The following HPSE2 variants were observed in gnomAD, a reference collection of about 807,000 sequenced individuals.
HPSE2 encodes the protein inactive heparanase-2.
Under a neutral mutation model 60.5 loss-of-function variants are expected in HPSE2, and 38 were observed. That is an observed-to-expected ratio of 0.63 (90% CI 0.48 to 0.82). The LOEUF is 0.82. HPSE2 is among the 40% of genes least tolerant of loss of function. HPSE2 has a pLI of 0.00. For synonymous variants in HPSE2, 295 were observed against 293.2 expected, an observed-to-expected ratio of 1.01 and a Z score of -0.06; for missense variants, 713 against 740.4, an observed-to-expected ratio of 0.96 and a Z score of 0.43.
chr10:98,907,474 T>TA (rs926205699), intron 3 of HPSE2, among the ~76,000 whole-genome samples: 8 of 152,148 alleles, frequency 5.3e-5, no homozygotes, highest in East Asian at 3.9e-4. Context: ...GCTCTCTAAT[T>TA]AAAAAAACAA....
chr10:98,619,462 A>G (rs1205955614), intron 8 of HPSE2, among the ~76,000 whole-genome samples: 1 of 152,188 alleles, frequency 6.6e-6, no homozygotes, highest in Non-Finnish European at 1.5e-5. Context: ...GTTTTAAAAC[A>G]CAAGTCAGAT....
chr10:98,739,252 T>C (rs1949434340), intron 4 of HPSE2, among the ~76,000 whole-genome samples: 1 of 151,932 alleles, frequency 6.6e-6, no homozygotes, highest in African/African-American at 2.4e-5. Flanking sequence ...TGTTCTCACT[T>C]ATAAGTGGGA....
At chr10:99,208,244 T>TA (rs1390750343) in intron 2 of HPSE2, among the ~76,000 whole-genome samples, 7 of 151,636 alleles carry the variant, frequency 4.6e-5, no homozygotes, top group Non-Finnish European at 7.4e-5. Context: ...AAAATACTAT[T>TA]AAAAAAATCA....
At chr10:98,558,724 T>G (rs1291973994) in intron 9 of HPSE2, among the ~76,000 whole-genome samples, 1 of 152,218 alleles carries the variant, frequency 6.6e-6, no homozygotes, top group Non-Finnish European at 1.5e-5. Context: ...GAAAATTCAC[T>G]TAGGATATGT....
chr10:98,653,334 C>T (rs1248611383), intron 6 of HPSE2, among the ~76,000 whole-genome samples: 1 of 151,444 alleles, frequency 6.6e-6, no homozygotes, highest in Non-Finnish European at 1.5e-5. Context: ...TATATTTAGG[C>T]TATTCACATT....
At chr10:98,507,668 C>G (rs1370477674) in intron 9 of HPSE2, among the ~76,000 whole-genome samples, 2 of 152,108 alleles carry the variant, frequency 1.3e-5, no homozygotes, top group Admixed American at 1.3e-4. Context: ...CGTCCTCCCC[C>G]TCTCTATCCT....
chr10:99,113,839 GT>G (rs140843554), intron 3 of HPSE2, among the ~76,000 whole-genome samples: 15 of 147,016 alleles, frequency 1.0e-4, no homozygotes, highest in South Asian at 2.2e-4. Context: ...AGTAATTTAG[GT>G]TTTTTTTTTG....
chr10:99,301,979 C>G, the HPSE2 span, among the ~76,000 whole-genome samples: 1 of 151,754 alleles, frequency 6.6e-6, no homozygotes, highest in African/African-American at 2.4e-5. Context: ...TCACTCATTC[C>G]TATGTGGAAA....
intron 7 of HPSE2, among the ~76,000 whole-genome samples, chr10:98,625,793 C>T (rs1298030976): frequency 6.6e-6 from 1 of 152,082 alleles, no homozygotes; most frequent in Non-Finnish European, 1.5e-5. Context: ...TAAGTGTGAT[C>T]TATATACACA....
intron 3 of HPSE2, among the ~76,000 whole-genome samples, chr10:98,758,528 G>T (rs1589775970): frequency 6.6e-6 from 1 of 152,288 alleles, no homozygotes; most frequent in East Asian, 1.9e-4. Context: ...CAAAGGGCAT[G>T]AGCAGACACT....
At chr10:98,539,064 A>G (rs891566997) in intron 9 of HPSE2, among the ~76,000 whole-genome samples, 2 of 152,240 alleles carry the variant, frequency 1.3e-5, no homozygotes, top group Non-Finnish European at 2.9e-5. Flanking sequence ...GACCCATTAC[A>G]TAGGGGAAGG....
chr10:98,937,989 G>A (rs1954860122), intron 3 of HPSE2, among the ~76,000 whole-genome samples: 1 of 143,574 alleles, frequency 7.0e-6, no homozygotes, highest in East Asian at 2.0e-4. Flanking sequence ...GGTCTGGAGT[G>A]GACCTCTAGC....
chr10:98,847,158 G>A (rs1452260253), intron 3 of HPSE2, among the ~76,000 whole-genome samples: 2 of 152,138 alleles, frequency 1.3e-5, no homozygotes, highest in Non-Finnish European at 2.9e-5. Flanking sequence ...TTAGTAAGAG[G>A]TTTGCCAGAG....
intron 9 of HPSE2, among the ~76,000 whole-genome samples, chr10:98,523,160 A>G (rs1299015752): frequency 6.6e-6 from 1 of 152,164 alleles, no homozygotes; most frequent in Non-Finnish European, 1.5e-5. Flanking sequence ...CTTACTATTC[A>G]GAAGGTAATT....
intron 9 of HPSE2, among the ~76,000 whole-genome samples, chr10:98,502,773 C>T (rs1942068311): frequency 6.6e-6 from 1 of 152,110 alleles, no homozygotes; most frequent in South Asian, 2.1e-4. Flanking sequence ...ATCTATACAT[C>T]TGTCAAAGGA....
At chr10:98,802,594 G>T (rs1292268208) in intron 3 of HPSE2, among the ~76,000 whole-genome samples, 2 of 150,646 alleles carry the variant, frequency 1.3e-5, no homozygotes, top group Admixed American at 1.3e-4. Flanking sequence ...TCTTGCGATA[G>T]TTTACTGAGA....
intron 3 of HPSE2, among the ~76,000 whole-genome samples, chr10:99,116,852 T>C (rs1308539548): frequency 6.6e-6 from 1 of 151,904 alleles, no homozygotes; most frequent in Admixed American, 6.6e-5. Context: ...CCACCTAGAA[T>C]GCAGGCAGGT....
chr10:98,913,844 G>A (rs1954045910), intron 3 of HPSE2, among the ~76,000 whole-genome samples: 1 of 152,156 alleles, frequency 6.6e-6, no homozygotes, highest in South Asian at 2.1e-4. Flanking sequence ...TTAAAAGGAA[G>A]GGGAAGATTC....
intron 3 of HPSE2, among the ~76,000 whole-genome samples, chr10:99,132,903 T>C (rs1845500552): frequency 6.6e-6 from 1 of 151,946 alleles, no homozygotes; most frequent in Non-Finnish European, 1.5e-5. Flanking sequence ...TTCACTCCCC[T>C]GGAAAGGGGT....
Sources: gnomAD v4.1 joint callset for allele counts (sites outside exome capture counted in the v4.1 genomes callset) on GRCh38, gnomAD v4.1.1 for gene constraint, MANE v1.5 for transcripts, NCBI Gene and HGNC (gene_info 2026-07-23, HGNC 2026-07-21) for gene names.